Variants in YWHAH observed in about 807,000 individuals in gnomAD.
The protein encoded by YWHAH is 14-3-3 protein eta.
In YWHAH, 6 loss-of-function variants were observed where a neutral mutation model predicts 22.9. That is an observed-to-expected ratio of 0.26 (90% confidence interval 0.14 to 0.52). The LOEUF is 0.52. Among genes scored for constraint, YWHAH ranks in the 20% least tolerant of loss-of-function variants. YWHAH has a pLI of 0.97. For synonymous variants in YWHAH, 135 were observed against 124.5 expected, an observed-to-expected ratio of 1.08 and a Z score of -0.56; for missense variants, 173 against 308.6, an observed-to-expected ratio of 0.56 and a Z score of 3.29.
chr22:31,950,076 C>CTTTTTTTTTTTTTT (rs557406783), intron 1 of YWHAH, among the ~76,000 whole-genome samples: 1 of 42,192 alleles, frequency 2.4e-5, no homozygotes, highest in Non-Finnish European at 4.9e-5. Flanking sequence ...GCTTGGAGGC[C>CTTTTTTTTTTTTTT]TTTTTTTTTT....
intron 1 of YWHAH, among the ~76,000 whole-genome samples, chr22:31,949,175 T>C (rs939847074): frequency 9.5e-5 from 14 of 147,918 alleles, no homozygotes; most frequent in Non-Finnish European, 1.9e-4. Flanking sequence ...GTTTCGCTCT[T>C]GTTGCCCAGG....
chr22:31,945,726 AC>A (rs1265660201), intron 1 of YWHAH: 47 of 1,210,376 alleles, frequency 3.9e-5, no homozygotes, highest in Non-Finnish European at 7.4e-6. Flanking sequence ...CAGTGGTAGA[AC>A]AACTGCGACC....
intron 1 of YWHAH, chr22:31,950,224 G>A: frequency 1.5e-6 from 1 of 659,734 alleles, no homozygotes; most frequent in South Asian, 1.7e-5. Context: ...GGCACCAGTT[G>A]TTTCTCCATA....
intron 1 of YWHAH, among the ~76,000 whole-genome samples, chr22:31,946,076 TAAGA>T (rs1603049191): frequency 6.6e-6 from 1 of 152,208 alleles, no homozygotes; most frequent in East Asian, 1.9e-4. Flanking sequence ...ATTGTTCAGG[TAAGA>T]AAGGTGCTTG....
chr22:31,952,866 G>A (rs5998193), intron 1 of YWHAH, among the ~76,000 whole-genome samples: 2,326 of 152,268 alleles, frequency 0.015, 50 homozygotes, highest in African/African-American at 0.052. Context: ...CAGGAAAAAC[G>A]AAATCATGGA....
At chr22:31,945,048 G>C (rs1474581028) in intron 1 of YWHAH, 2 of 1,112,532 alleles carry the variant, frequency 1.8e-6, no homozygotes, top group South Asian at 7.9e-5. Flanking sequence ...GTTCGGGATC[G>C]CGAAGGCAGC....
At position 31,956,845 on chromosome 22, in the gene YWHAH, G is replaced by A. The variant is rs924456092; in HGVS notation, c.*53G>A. 5 of 1,499,872 alleles carry A rather than the reference G, an allele frequency of 3.3e-6. No homozygotes were observed. Among genetic ancestry groups the A allele is most frequent in the Middle Eastern group, 1.7e-4 (1 of 5,718 alleles). The allele number at this position is 1,499,872 out of a possible 1,614,324, so 92.9% of individuals were successfully genotyped here. A position where few individuals can be genotyped will look rare whatever the true frequency, so the allele number is the denominator to read the frequency against. On this transcript the variant is annotated 3_prime_UTR_variant, in exon 2 of 2. Coordinates refer to ENST00000248975, the MANE Select transcript of YWHAH (RefSeq NM_003405.4). This position sits in a 1 kb window ranked among gnomAD's most constrained non-coding sequence, Gnocchi z 5.1. ...TTCACCCACCACCCCCATCATCACC[G>A]ATTCTTCCTTGCCACAATCACTAAA...
intron 1 of YWHAH, among the ~76,000 whole-genome samples, chr22:31,945,895 T>C (rs985969712): frequency 1.3e-5 from 2 of 152,170 alleles, no homozygotes; most frequent in South Asian, 4.1e-4. Flanking sequence ...AGTCTGAGAA[T>C]TACTGCCCAT....
chr22:31,950,619 T>G (rs1214052528), intron 1 of YWHAH, among the ~76,000 whole-genome samples: 1 of 152,126 alleles, frequency 6.6e-6, no homozygotes, highest in Non-Finnish European at 1.5e-5. Context: ...GGGTAGCTGT[T>G]TTATTTGACT....
At chr22:31,950,040 A>G (rs959290838) in intron 1 of YWHAH, among the ~76,000 whole-genome samples, 5 of 134,274 alleles carry the variant, frequency 3.7e-5, no homozygotes, top group Non-Finnish European at 7.8e-5. Flanking sequence ...GGAAACTCAC[A>G]TATCTGGATT....
At position 31,944,754 on chromosome 22, in the gene YWHAH, G is replaced by A. The variant is rs1277738043; in HGVS notation, c.21G>A (p.Leu7=). The change falls in exon 1 of 2, where the codon CTG becomes CTA. Residue 7 remains leucine (L), a synonymous_variant. Coordinates refer to ENST00000248975, the MANE Select transcript of YWHAH (RefSeq NM_003405.4). MGDREQ[L]LQRARLAEQA... is the part of the protein sequence containing the mutation. ...GCGACATGGGGGACCGGGAGCAGCT[G>A]CTGCAGCGGGCGCGGCTGGCCGAGC... The A allele has an allele frequency of 7.1e-7, 1 of 1,418,164 alleles. No homozygotes were observed. Among genetic ancestry groups the A allele is most frequent in the Non-Finnish European group, 9.3e-7 (1 of 1,079,848 alleles). 87.8% of individuals were successfully genotyped at this position (1,418,164 alleles called of 1,614,324 possible). A position where few individuals can be genotyped will look rare whatever the true frequency, so the allele number is the denominator to read the frequency against.
intron 1 of YWHAH, among the ~76,000 whole-genome samples, chr22:31,954,772 A>G (rs569328300): frequency 2.0e-5 from 3 of 152,232 alleles, no homozygotes; most frequent in South Asian, 2.1e-4. Flanking sequence ...AAATCTCACT[A>G]TCCTTATAAG....
chr22:31,945,556 G>T, intron 1 of YWHAH: 1 of 1,304,150 alleles, frequency 7.7e-7, no homozygotes, highest in Non-Finnish European at 1.0e-6. Flanking sequence ...CGATTCTGCA[G>T]CTTCTCCGGT....
chr22:31,950,982 C>T (rs774876520), intron 1 of YWHAH, among the ~76,000 whole-genome samples: 1 of 152,156 alleles, frequency 6.6e-6, no homozygotes, highest in Admixed American at 6.5e-5. Context: ...CTGCAACTTC[C>T]ACCTCCTGGG....
intron 1 of YWHAH, among the ~76,000 whole-genome samples, chr22:31,951,862 T>C (rs1228491522): frequency 1.3e-5 from 2 of 152,056 alleles, no homozygotes; most frequent in Non-Finnish European, 2.9e-5. Context: ...GAGGAGGGCC[T>C]TTGTGCATGG....
rs557843353 is a variant in YWHAH at position 31,944,562 on chromosome 22, G to A, written c.-172G>A. 16 of 284,420 alleles carry A rather than the reference G, an allele frequency of 5.6e-5. No homozygotes were observed. Among genetic ancestry groups the A allele is most frequent in the African/African-American group, 3.2e-4 (14 of 43,524 alleles). 17.6% of individuals were successfully genotyped at this position (284,420 alleles called of 1,614,324 possible). On this transcript the variant is annotated 5_prime_UTR_variant, in exon 1 of 2. Transcript: ENST00000248975. The stretch of plus-strand genomic sequence containing the variant: ...AGCGCGCGGGGCGAGCCAGCGAGAG[G>A]GCGCGAGCGGCGGCGCTGCCTGCAG...
chr22:31,953,941 G>T (rs2093846497), intron 1 of YWHAH, among the ~76,000 whole-genome samples: 1 of 152,212 alleles, frequency 6.6e-6, no homozygotes, highest in South Asian at 2.1e-4. Context: ...GGGCTTGGGG[G>T]TAGGGAGGAC....
At chr22:31,949,136 C>CTT (rs760273556) in intron 1 of YWHAH, among the ~76,000 whole-genome samples, 7,096 of 98,900 alleles carry the variant, frequency 0.072, 811 homozygotes, top group African/African-American at 0.23. Flanking sequence ...ACATATTTTA[C>CTT]TTTTTTTTTT....
Position 31,944,646 on chromosome 22 carries a change from T to G in YWHAH, c.-88T>G, listed in dbSNP as rs1486222692. ...CCAGTGCGCGTGCGCGGCGGCGGCC[T>G]CCGCAGCGACCGGGGAGCGGACTGA... On this transcript the variant is annotated 5_prime_UTR_variant, in exon 1 of 2. Transcript: ENST00000248975. 1 of 1,070,642 alleles carries G rather than the reference T, an allele frequency of 9.3e-7. No homozygotes were observed. The highest frequency in any genetic ancestry group is 1.2e-6 in the Non-Finnish European group (1 of 859,090). 66.3% of individuals were successfully genotyped at this position (1,070,642 alleles called of 1,614,324 possible).
Sources: allele counts gnomAD v4.1 joint callset (sites outside exome capture counted in the v4.1 genomes callset), GRCh38; gene constraint gnomAD v4.1.1; non-coding constraint Gnocchi (gnomAD v3.1); transcripts MANE v1.5; gene names NCBI Gene and HGNC (gene_info 2026-07-23, HGNC 2026-07-21).